The following HDAC9 variants were observed in gnomAD, a reference collection of about 807,000 sequenced individuals.
HDAC9 encodes MEF-2 interacting transcription repressor (MITR) protein.
A neutral mutation model predicts 139.4 loss-of-function variants in HDAC9; 41 were observed. That is an observed-to-expected ratio of 0.29 (90% CI 0.23 to 0.38). The LOEUF (loss-of-function observed/expected upper bound fraction) is 0.38, where lower values mean the gene tolerates loss of function less well. HDAC9 is among the 10% of genes least tolerant of loss of function. The pLI is 1.00. For missense variants in HDAC9, 1,147 were observed against 1,297.0 expected (o/e 0.88, Z 1.78); for synonymous variants, 517 against 476.2 (o/e 1.09, Z -1.12).
At chr7:18,776,588 T>C (rs757030219) in intron 16 of HDAC9, among the ~76,000 whole-genome samples, 3 of 152,014 alleles carry the variant, frequency 2.0e-5, no homozygotes, top group Non-Finnish European at 4.4e-5. Context: ...TAAATATATG[T>C]GCATGTATGT....
intron 1 of HDAC9, among the ~76,000 whole-genome samples, chr7:18,338,109 T>A (rs1019887633): frequency 5.3e-5 from 8 of 151,718 alleles, no homozygotes; most frequent in Admixed American, 2.6e-4. Context: ...TAAACAGGAA[T>A]GGAAAAATAA....
chr7:18,468,749 A>T (rs1285525334), intron 1 of HDAC9, among the ~76,000 whole-genome samples: 1 of 152,230 alleles, frequency 6.6e-6, no homozygotes, highest in Non-Finnish European at 1.5e-5. Flanking sequence ...TCATGAATGA[A>T]TGGGATCTGT....
At chr7:18,284,559 G>T (rs1056344369) in intron 2 of HDAC9, among the ~76,000 whole-genome samples, 1 of 152,098 alleles carries the variant, frequency 6.6e-6, no homozygotes, top group African/African-American at 2.4e-5. Context: ...TTTGTATATC[G>T]TGTTAGTCTT....
intron 2 of HDAC9, among the ~76,000 whole-genome samples, chr7:18,267,445 C>T (rs1216709456): frequency 6.6e-6 from 1 of 152,100 alleles, no homozygotes. Context: ...GCTCCCCAGT[C>T]TCTTCCCCAC....
At chr7:18,300,188 C>A (rs1319588891) in intron 1 of HDAC9, among the ~76,000 whole-genome samples, 1 of 151,464 alleles carries the variant, frequency 6.6e-6, no homozygotes, top group East Asian at 1.9e-4. Flanking sequence ...GATTTTTTTG[C>A]AAATTTTTTT....
chr7:18,971,666 G>C (rs545661650), intron 24 of HDAC9, among the ~76,000 whole-genome samples: 22 of 152,270 alleles, frequency 1.4e-4, no homozygotes, highest in African/African-American at 4.6e-4. Context: ...GTCTATAAAT[G>C]CATTATTAAT....
chr7:18,668,173 A>G (rs1445814282), intron 12 of HDAC9: 31 of 852,664 alleles, frequency 3.6e-5, no homozygotes, highest in Non-Finnish European at 4.4e-5. Context: ...TCTCCATTCA[A>G]ATTAAATTAA....
At chr7:18,492,210 G>A (rs900899059), upstream of HDAC9, among the ~76,000 whole-genome samples, 11 of 151,792 alleles carry the variant, frequency 7.2e-5, no homozygotes, top group African/African-American at 2.7e-4. Context: ...TAGACCTAAG[G>A]GATTTAGACC....
chr7:18,678,762 C>T (rs895654936), intron 12 of HDAC9, among the ~76,000 whole-genome samples: 1 of 151,862 alleles, frequency 6.6e-6, no homozygotes, highest in African/African-American at 2.4e-5. Flanking sequence ...CTTAATTTTT[C>T]TCTTGAATAT....
At chr7:18,372,029 T>C (rs1416116690) in intron 1 of HDAC9, among the ~76,000 whole-genome samples, 4 of 152,206 alleles carry the variant, frequency 2.6e-5, no homozygotes, top group African/African-American at 9.7e-5. Flanking sequence ...ACATGGATGA[T>C]CTTTGAATCA....
At chr7:18,283,940 G>A (rs2128221271) in intron 2 of HDAC9, among the ~76,000 whole-genome samples, 1 of 152,102 alleles carries the variant, frequency 6.6e-6, no homozygotes, top group East Asian at 1.9e-4. Context: ...CTCCCCTCTG[G>A]CCCCAGCAAA....
Position 18,590,341 on chromosome 7 carries a change from A to G in HDAC9, c.270A>G (p.Gln90=). 6.2e-7 allele frequency: 1 copy of G among 1,612,512 alleles called. No individual in the cohort carries two copies. The stretch of plus-strand genomic sequence containing the variant: ...TGTCTTTCTCTTCTCGCAAGTTGCA[A>G]CAGGAACTTCTAGCCATAAAACAGC... ...QAQLQEHIKL[Q]QELLAIKQQQ... The change falls in exon 4 of 26, where the codon CAA becomes CAG. Residue 90 remains glutamine (Q), a synonymous_variant. Transcript: ENST00000686413.
chr7:18,918,989 T>C (rs1803452229), intron 22 of HDAC9, among the ~76,000 whole-genome samples: 1 of 152,030 alleles, frequency 6.6e-6, no homozygotes. Flanking sequence ...GCAAATCAAG[T>C]CTTTGCCCTT....
intron 21 of HDAC9, among the ~76,000 whole-genome samples, chr7:18,838,817 G>GA (rs1433820452): frequency 6.6e-6 from 1 of 151,812 alleles, no homozygotes; most frequent in Non-Finnish European, 1.5e-5. Flanking sequence ...TCTTTTGAAG[G>GA]AAAATCTCTC....
chr7:18,520,505 C>T (rs901930237), intron 2 of HDAC9, among the ~76,000 whole-genome samples: 1 of 152,072 alleles, frequency 6.6e-6, no homozygotes, highest in African/African-American at 2.4e-5. Context: ...TATGATGAAC[C>T]ATGTAGACAT....
chr7:18,540,498 A>G (rs889102760), intron 2 of HDAC9, among the ~76,000 whole-genome samples: 6 of 152,182 alleles, frequency 3.9e-5, no homozygotes, highest in African/African-American at 1.2e-4. Context: ...TGTTAAAAGA[A>G]GCCCTTATTC....
At chr7:18,701,198 A>G (rs552628120) in intron 12 of HDAC9, among the ~76,000 whole-genome samples, 21 of 152,200 alleles carry the variant, frequency 1.4e-4, no homozygotes, top group African/African-American at 4.6e-4. Flanking sequence ...CCTCTTAAGC[A>G]AAACAAAACA....
At chr7:18,204,816 C>CAT (rs1234007428) in intron 2 of HDAC9, among the ~76,000 whole-genome samples, 1 of 151,970 alleles carries the variant, frequency 6.6e-6, no homozygotes, top group Non-Finnish European at 1.5e-5. Context: ...GTTTGATAAA[C>CAT]ATATTTCTGC....
At chr7:18,198,403 A>G (rs1790872352) in intron 2 of HDAC9, among the ~76,000 whole-genome samples, 1 of 152,172 alleles carries the variant, frequency 6.6e-6, no homozygotes, top group African/African-American at 2.4e-5. Context: ...CAAATCTTCC[A>G]ACTGTAAAAT....
Sources: allele counts gnomAD v4.1 joint callset (sites outside exome capture counted in the v4.1 genomes callset), GRCh38; gene constraint gnomAD v4.1.1; transcripts MANE v1.5; gene names NCBI Gene and HGNC (gene_info 2026-07-23, HGNC 2026-07-21).